CEP135: variants seen among roughly 807,000 people sequenced by gnomAD.
CEP135 encodes centrosomal protein 135, also known as centrosomal protein of 135 kDa.
In CEP135, 142 loss-of-function variants were observed where a neutral mutation model predicts 157.3. The observed-to-expected ratio is 0.90, with a 90% CI of 0.79 to 1.04. CEP135 has a LOEUF of 1.04. Among genes scored for constraint, CEP135 ranks in the 50% least tolerant of loss-of-function variants. The probability of loss-of-function intolerance (pLI) is 0.00; values close to 1 mark genes in which losing one functional copy is unlikely to be tolerated. For synonymous variants in CEP135, 396 were observed against 439.8 expected (o/e 0.90, Z 1.25); for missense variants, 1,317 against 1,309.2 (o/e 1.01, Z -0.09).
At chr4:55,980,062 T>A in intron 11 of CEP135, 81 bp from the exon 12 acceptor site, 7 of 1,126,996 alleles carry the variant, frequency 6.2e-6, no homozygotes, top group Non-Finnish European at 7.8e-6. Flanking sequence ...TCTGGTAGCA[T>A]CTTTCAGTCA....
chr4:56,024,486 G>A lies in CEP135; in HGVS notation c.3321-15G>A. 6.3e-7 allele frequency: 1 copy of A among 1,597,424 alleles called. No homozygotes were observed. Among genetic ancestry groups the A allele is most frequent in the Non-Finnish European group, 8.6e-7 (1 of 1,165,694 alleles). On this transcript the variant is annotated splice_polypyrimidine_tract_variant and intron_variant, in intron 24 of 25. Transcript: ENST00000257287. ...GTGCTTGAATATATCTCTCTTGTTT[G>A]ATCTTTACTAACAGAGAACGAGCAA...
At chr4:56,009,661 C>A in intron 18 of CEP135, 74 bp from the exon 19 acceptor site, 1 of 1,304,238 alleles carries the variant, frequency 7.7e-7, no homozygotes, top group Non-Finnish European at 1.1e-6. Context: ...TATACTTAGA[C>A]TATAAGTTTT....
chr4:55,968,958 G>T (rs903410254), intron 8 of CEP135, 105 bp from the exon 9 acceptor site: 5 of 733,512 alleles, frequency 6.8e-6, no homozygotes, highest in Non-Finnish European at 1.1e-5. Flanking sequence ...GATCTCACTG[G>T]TAAGAGGGAA....
intron 11 of CEP135, among the ~76,000 whole-genome samples, chr4:55,975,619 T>C (rs1002558405): frequency 4.6e-5 from 7 of 152,240 alleles, no homozygotes; most frequent in African/African-American, 1.7e-4. Context: ...ATTTTAGGTC[T>C]TAATTATTTT....
intron 21 of CEP135, among the ~76,000 whole-genome samples, chr4:56,015,494 C>G (rs867460331): frequency 6.6e-6 from 1 of 152,250 alleles, no homozygotes; most frequent in Non-Finnish European, 1.5e-5. Flanking sequence ...CTGTGGGACA[C>G]AGGGTGGGGC....
intron 21 of CEP135, among the ~76,000 whole-genome samples, chr4:56,016,306 T>A (rs1243988658): frequency 6.6e-6 from 1 of 152,174 alleles, no homozygotes; most frequent in Non-Finnish European, 1.5e-5. Context: ...TTTGTTTTTT[T>A]AAAACACCTA....
At position 55,980,041 on chromosome 4, in the gene CEP135, T is replaced by C; in HGVS notation, c.1474-102T>C. 3 of 950,952 alleles carry C rather than the reference T, an allele frequency of 3.2e-6. No homozygotes were observed. In the South Asian group the frequency reaches 4.4e-5, roughly 14 times the overall value. 58.9% of individuals were successfully genotyped at this position (950,952 alleles called of 1,614,324 possible). A position where few individuals can be genotyped will look rare whatever the true frequency, so the allele number is the denominator to read the frequency against. On this transcript the variant is annotated intron_variant, in intron 11 of 25. Transcript: ENST00000257287. ...TCCTTAATTACGTTAAAGGCACTTG[T>C]GTTCTTTTTGTCTGGTAGCATCTTT...
intron 24 of CEP135, among the ~76,000 whole-genome samples, chr4:56,022,956 G>A (rs2109749900): frequency 6.6e-6 from 1 of 151,950 alleles, no homozygotes; most frequent in Middle Eastern, 3.4e-3. Flanking sequence ...AATTAGCTGG[G>A]CATGAAGGTG....
rs981290499 is a variant in CEP135 at position 55,965,762 on chromosome 4, G to A, written c.947G>A (p.Cys316Tyr). The change falls in exon 8 of 26, where the codon TGC becomes TAC. Residue 316 changes from cysteine (C) to tyrosine (Y), a missense_variant. Transcript: ENST00000257287. ...VNLSNKNEKL[C>Y]QELTEIDQLA... ...TTAAGTAACAAAAATGAAAAACTCT[G>A]CCAAGAATTAACTGAAATAGATCAG... is the stretch of plus-strand genomic sequence containing the variant. The A allele has an allele frequency of 5.6e-6, 9 of 1,613,786 alleles. No homozygotes were observed. The highest frequency in any genetic ancestry group is 7.6e-6 in the Non-Finnish European group (9 of 1,179,820).
intron 24 of CEP135, among the ~76,000 whole-genome samples, chr4:56,022,047 A>G (rs1730990748): frequency 6.6e-6 from 1 of 152,276 alleles, no homozygotes; most frequent in African/African-American, 2.4e-5. Context: ...ACAAACCAAC[A>G]AAAAAGTAAG....
chr4:56,003,983 G>A (rs1730267178), intron 17 of CEP135, among the ~76,000 whole-genome samples: 2 of 152,194 alleles, frequency 1.3e-5, no homozygotes, highest in South Asian at 4.1e-4. Flanking sequence ...GCCTCCCCAA[G>A]TGCTGGGATT....
intron 17 of CEP135, among the ~76,000 whole-genome samples, chr4:56,004,029 T>C (rs1730268474): frequency 6.6e-6 from 1 of 152,216 alleles, no homozygotes; most frequent in African/African-American, 2.4e-5. Context: ...CTCAACTTTT[T>C]TGATACAGAC....
At chr4:56,010,023 A>T in intron 19 of CEP135, 120 bp downstream of exon 19, 1 of 1,046,396 alleles carries the variant, frequency 9.6e-7, no homozygotes, top group South Asian at 1.5e-5. Flanking sequence ...TAAATAATTC[A>T]TTAAGGACAA....
chr4:55,979,122 A>G (rs140466526), intron 11 of CEP135, among the ~76,000 whole-genome samples: 1,688 of 152,348 alleles, frequency 0.011, 18 homozygotes, highest in Non-Finnish European at 0.017. Flanking sequence ...TACATAGTAT[A>G]GGCCAGGTCT....
At chr4:55,963,884 G>A (rs1006749885) in intron 6 of CEP135, among the ~76,000 whole-genome samples, 5 of 152,144 alleles carry the variant, frequency 3.3e-5, no homozygotes, top group African/African-American at 1.2e-4. Flanking sequence ...TTCTTAGTGT[G>A]TTACACTCAT....
chr4:55,965,890 T>TA, intron 8 of CEP135, 31 bp downstream of exon 8: 1 of 1,532,076 alleles, frequency 6.5e-7, no homozygotes, highest in Non-Finnish European at 9.0e-7. Context: ...ATTGTGAGAG[T>TA]GTTCATTAAT....
At chr4:55,977,031 AG>A (rs1729248295) in intron 11 of CEP135, among the ~76,000 whole-genome samples, 1 of 150,688 alleles carries the variant, frequency 6.6e-6, no homozygotes, top group South Asian at 2.1e-4. Flanking sequence ...CATGTTGCCC[AG>A]GCTGGTTTCA....
At chr4:55,950,088 G>A (rs1403059322) in intron 1 of CEP135, among the ~76,000 whole-genome samples, 2 of 151,364 alleles carry the variant, frequency 1.3e-5, no homozygotes, top group African/African-American at 4.9e-5. Flanking sequence ...GCATCACTTA[G>A]GTGTCTCTTG....
chr4:56,019,219 T>A (rs1175901556), intron 22 of CEP135, 134 bp from the exon 23 acceptor site: 6 of 654,708 alleles, frequency 9.2e-6, no homozygotes, highest in Non-Finnish European at 1.6e-5. Context: ...AAACAGTTCA[T>A]AATCTTTAAC....
Sources: gnomAD v4.1 joint callset for allele counts (sites outside exome capture counted in the v4.1 genomes callset) on GRCh38, gnomAD v4.1.1 for gene constraint, MANE v1.5 for transcripts, NCBI Gene and HGNC (gene_info 2026-07-23, HGNC 2026-07-21) for gene names.